WDR26: variants seen among roughly 807,000 people sequenced by gnomAD.
The protein encoded by WDR26 is WD repeat-containing protein 26.
A neutral mutation model predicts 84.1 loss-of-function variants in WDR26; 5 were observed. That is an observed-to-expected ratio of 0.06 (90% confidence interval 0.03 to 0.13). WDR26 has a LOEUF of 0.13. Ranked by LOEUF, WDR26 falls within the 10% of genes least tolerant of loss-of-function variation. The probability of loss-of-function intolerance (pLI) is 1.00; values close to 1 mark genes in which losing one functional copy is unlikely to be tolerated. For missense variants in WDR26, 642 were observed against 974.9 expected (o/e 0.66, Z 4.55); for synonymous variants, 415 against 389.6 (o/e 1.07, Z -0.77).
chr1:224,397,126 G>A (rs1673288571), intron 12 of WDR26, among the ~76,000 whole-genome samples: 1 of 151,968 alleles, frequency 6.6e-6, no homozygotes, highest in African/African-American at 2.4e-5. Flanking sequence ...CTAATTCCTT[G>A]GTCTATCTTA....
intron 13 of WDR26, among the ~76,000 whole-genome samples, chr1:224,392,799 T>C (rs1027032677): frequency 1.3e-5 from 2 of 151,794 alleles, no homozygotes; most frequent in Non-Finnish European, 2.9e-5. Context: ...ACCACAAAGA[T>C]AAAAGTGTAG....
At chr1:224,408,631 T>C (rs1200356434) in intron 7 of WDR26, among the ~76,000 whole-genome samples, 2 of 89,442 alleles carry the variant, frequency 2.2e-5, no homozygotes, top group African/African-American at 8.5e-5. Flanking sequence ...ACTCATCCCA[T>C]TCTTTTTTTT....
In WDR26 at chr1:224,398,987, T is replaced by A. The variant is rs1439989393; in HGVS notation, c.1767A>T (p.Gln589His). ...TTCCATCACTCAAGCACCAAAGGCATTGCACTCTTACCCCTTCCCAGGAGT... is the reference window on the plus strand; with the variant it reads ...TTCCATCACTCAAGCACCAAAGGCAATGCACTCTTACCCCTTCCCAGGAGT... Residue 589 changes from glutamine (Q) to histidine (H), a missense_variant, in exon 10 of 14, where the codon CAA becomes CAT. Coordinates refer to ENST00000414423, the MANE Select transcript of WDR26 (RefSeq NM_001379403.1). 1 of 1,606,948 alleles carries A rather than the reference T, an allele frequency of 6.2e-7. No homozygotes were observed. The highest frequency in any genetic ancestry group is 8.5e-7 in the Non-Finnish European group (1 of 1,177,686).
rs564510684 is a variant in WDR26, at chr1:224,416,413, A to G, written c.1319+1847T>C. Reference sequence around the variant, plus strand: ...CGGCTAATTTTTGTATTTTTAGAAGAGACAGGGTTTCACCATGTTAGCCAG... The same window carrying G: ...CGGCTAATTTTTGTATTTTTAGAAGGGACAGGGTTTCACCATGTTAGCCAG... On this transcript the variant is annotated intron_variant, in intron 6 of 13. Transcript: ENST00000414423. Among the ~76,000 whole-genome samples, 42 of 151,926 alleles carry G rather than the reference A, an allele frequency of 2.8e-4. No homozygotes were observed. In the Middle Eastern group the frequency reaches 0.017, roughly 62 times the overall value.
At chr1:224,417,536 C>T (rs561551336) in intron 6 of WDR26, among the ~76,000 whole-genome samples, 4 of 152,318 alleles carry the variant, frequency 2.6e-5, no homozygotes, top group Admixed American at 1.3e-4. Context: ...GACCCCATCT[C>T]TACAAAAAAA....
chr1:224,406,424 C>T (rs1673569683), intron 7 of WDR26, among the ~76,000 whole-genome samples: 1 of 152,088 alleles, frequency 6.6e-6, no homozygotes, highest in South Asian at 2.1e-4. Context: ...AATGGGATGA[C>T]CCACCAGCAG....
At chr1:224,417,045 A>T (rs1267762808) in intron 6 of WDR26, among the ~76,000 whole-genome samples, 1 of 152,210 alleles carries the variant, frequency 6.6e-6, no homozygotes, top group Non-Finnish European at 1.5e-5. Flanking sequence ...AGTAAGGCCA[A>T]TATCTCAAAC....
intron 3 of WDR26, among the ~76,000 whole-genome samples, chr1:224,427,115 A>AAAAAAAAG (rs1674252779): frequency 6.6e-6 from 1 of 151,102 alleles, no homozygotes; most frequent in Non-Finnish European, 1.5e-5. Context: ...AAAAAAAAAA[A>AAAAAAAAG]AAAAAAAAAA....
intron 7 of WDR26, among the ~76,000 whole-genome samples, chr1:224,410,256 G>C (rs544430228): frequency 6.8e-6 from 1 of 146,528 alleles, no homozygotes; most frequent in East Asian, 2.0e-4. Flanking sequence ...ACTCCAGCCT[G>C]GGGGACAAGA....
intron 7 of WDR26, among the ~76,000 whole-genome samples, chr1:224,410,002 C>T (rs183737107): frequency 2.6e-5 from 4 of 151,580 alleles, no homozygotes; most frequent in Admixed American, 6.6e-5. Context: ...GTTATTTGGC[C>T]GGACGTAGTG....
chr1:224,402,334 C>T (rs1441860176), intron 8 of WDR26, among the ~76,000 whole-genome samples: 1 of 152,116 alleles, frequency 6.6e-6, no homozygotes, highest in East Asian at 1.9e-4. Context: ...AAGTTTAGAG[C>T]ACAAATACAC....
intron 4 of WDR26, among the ~76,000 whole-genome samples, chr1:224,423,930 A>C (rs1262590567): frequency 6.6e-6 from 1 of 152,210 alleles, no homozygotes; most frequent in African/African-American, 2.4e-5. Flanking sequence ...TGGGTACTCT[A>C]ACATTTTAAG....
At chr1:224,407,171 T>TATATATATATATATAA (rs1219084363) in intron 7 of WDR26, among the ~76,000 whole-genome samples, 3 of 94,462 alleles carry the variant, frequency 3.2e-5, no homozygotes, top group African/African-American at 8.6e-5. Flanking sequence ...TATATATATA[T>TATATATATATATATAA]AACTCAAAAA....
In WDR26 at chr1:224,386,814, A is replaced by G. The variant is rs940159284; in HGVS notation, c.*3021T>C. ...AAATACTTACCTGGTTTAATATAACACATTTATCTGGCCAATAAGAGCAAC... is the reference window on the plus strand; with the variant it reads ...AAATACTTACCTGGTTTAATATAACGCATTTATCTGGCCAATAAGAGCAAC... On this transcript the variant is annotated 3_prime_UTR_variant, in exon 14 of 14. Coordinates refer to ENST00000414423, the MANE Select transcript of WDR26 (RefSeq NM_001379403.1). 2 of 152,212 alleles carry G rather than the reference A, an allele frequency of 1.3e-5. No homozygotes were observed. The highest frequency in any genetic ancestry group is 2.4e-5 in the African/African-American group (1 of 41,466). 9.4% of individuals were successfully genotyped at this position (152,212 alleles called of 1,614,324 possible).
chr1:224,403,760 A>C (rs1673481555), intron 8 of WDR26, among the ~76,000 whole-genome samples: 1 of 152,194 alleles, frequency 6.6e-6, no homozygotes, highest in African/African-American at 2.4e-5. Flanking sequence ...AACATGATGA[A>C]ACCTCTTCTC....
rs114508996 is a variant in WDR26, at chr1:224,398,797, G to A, written c.1865+92C>T. 4,481 of 1,520,066 alleles carry A rather than the reference G, an allele frequency of 2.9e-3. 67 individuals are homozygous for A. In the African/African-American group the frequency reaches 0.042, roughly 14 times the overall value. The allele number at this position is 1,520,066 out of a possible 1,614,324, so 94.2% of individuals were successfully genotyped here. On this transcript the variant is annotated intron_variant, in intron 10 of 13. Transcript: ENST00000414423. ...TCCAAATTACCACGCAAACCAAAAC[G>A]AAAAACATAAAAACTGTGAAAAGGC... is the stretch of plus-strand genomic sequence containing the variant.
chr1:224,432,263 C>CA (rs1246066696), intron 1 of WDR26, among the ~76,000 whole-genome samples: 3 of 152,162 alleles, frequency 2.0e-5, no homozygotes, highest in Non-Finnish European at 4.4e-5. Context: ...AATCCAGCAT[C>CA]AAAAATCATT....
chr1:224,433,788 G>C lies in WDR26; in HGVS notation c.618C>G (p.Ala206=), dbSNP rs1435916676. The C allele has an allele frequency of 2.0e-6, 3 of 1,537,008 alleles. No individual in the cohort carries two copies. The change falls in exon 1 of 14, where the codon GCC becomes GCG. Residue 206 remains alanine (A), a synonymous_variant. Transcript: ENST00000414423. The stretch of plus-strand genomic sequence containing the variant: ...TGAGGCTGCTGCCCAGTTCTGGGGT[G>C]GCCAAGGAAGAGGAGGCGGCGGTGG...
intron 3 of WDR26, among the ~76,000 whole-genome samples, chr1:224,424,905 G>A (rs778809876): frequency 1.3e-5 from 2 of 152,160 alleles, no homozygotes; most frequent in Non-Finnish European, 2.9e-5. Context: ...GATCATTAGT[G>A]ACTGAGGCAT....
Sources: allele counts gnomAD v4.1 joint callset (sites outside exome capture counted in the v4.1 genomes callset), GRCh38; gene constraint gnomAD v4.1.1; transcripts MANE v1.5; gene names NCBI Gene and HGNC (gene_info 2026-07-23, HGNC 2026-07-21).